KIAA0319: variants seen among roughly 807,000 people sequenced by gnomAD.
KIAA0319 encodes KIAA0319.
KIAA0319 carries 83 observed loss-of-function variants against 108.4 expected under a neutral mutation model. The ratio of observed to expected loss-of-function variants is 0.77; its 90% confidence interval spans 0.64 to 0.92. The LOEUF is 0.92. KIAA0319 is among the 40% of genes least tolerant of loss of function. KIAA0319 has a pLI of 0.00. For missense variants in KIAA0319, 1,195 were observed against 1,322.4 expected (o/e 0.90, Z 1.49); for synonymous variants, 484 against 510.4 (o/e 0.95, Z 0.70).
At chr6:24,575,833 C>T (rs181931547) in intron 10 of KIAA0319, among the ~76,000 whole-genome samples, 4 of 151,554 alleles carry the variant, frequency 2.6e-5, no homozygotes, top group African/African-American at 7.3e-5. Flanking sequence ...CTTTGCCAAT[C>T]ACAAAAAGAA....
chr6:24,546,783 T>G lies in KIAA0319; in HGVS notation c.*382A>C. The G allele has an allele frequency of 5.5e-6, 1 of 181,166 alleles. No homozygotes were observed. The highest frequency in any genetic ancestry group is 1.2e-5 in the Non-Finnish European group (1 of 84,600). The allele number at this position is 181,166 out of a possible 1,614,324, so 11.2% of individuals were successfully genotyped here. On this transcript the variant is annotated 3_prime_UTR_variant, in exon 21 of 21. Transcript: ENST00000378214. ...AAACCGTGTTTAGAATGCTGTTCCTTAGAGGCAATCACAGCAGCTAAGACA... is the reference window on the plus strand; with the variant it reads ...AAACCGTGTTTAGAATGCTGTTCCTGAGAGGCAATCACAGCAGCTAAGACA...
At chr6:24,551,920 G>A (rs1269147445) in intron 19 of KIAA0319, among the ~76,000 whole-genome samples, 1 of 152,002 alleles carries the variant, frequency 6.6e-6, no homozygotes, top group Non-Finnish European at 1.5e-5. Flanking sequence ...CTGCAGTAAT[G>A]AAAAGGTGTC....
intron 1 of KIAA0319, among the ~76,000 whole-genome samples, chr6:24,611,368 G>A (rs1168210122): frequency 1.3e-5 from 2 of 151,926 alleles, no homozygotes; most frequent in Non-Finnish European, 2.9e-5. Flanking sequence ...GCATAGTGGC[G>A]GGCGCCTGTA....
chr6:24,568,648 C>T (rs1331387202), intron 13 of KIAA0319, 133 bp downstream of exon 13: 2 of 865,726 alleles, frequency 2.3e-6, no homozygotes, highest in East Asian at 2.6e-5. Flanking sequence ...TTTTTTTCAG[C>T]CAGGCAGGGT....
intron 4 of KIAA0319, among the ~76,000 whole-genome samples, chr6:24,584,895 G>T (rs1767214785): frequency 6.6e-6 from 1 of 152,132 alleles, no homozygotes; most frequent in Non-Finnish European, 1.5e-5. Context: ...AAAACCCAAA[G>T]ATCCTGGGCC....
chr6:24,600,748 G>T, intron 2 of KIAA0319: 1 of 1,231,260 alleles, frequency 8.1e-7, no homozygotes, highest in Non-Finnish European at 1.1e-6. Context: ...ATAAAAGGAA[G>T]TCTGGCCTTT....
intron 14 of KIAA0319, among the ~76,000 whole-genome samples, chr6:24,564,769 C>T (rs906944293): frequency 1.3e-5 from 2 of 152,190 alleles, no homozygotes; most frequent in African/African-American, 4.8e-5. Context: ...ACCCAAGACC[C>T]TGTGTAGCGT....
At chr6:24,590,111 G>T (rs1048601811) in intron 3 of KIAA0319, among the ~76,000 whole-genome samples, 1 of 152,112 alleles carries the variant, frequency 6.6e-6, no homozygotes, top group African/African-American at 2.4e-5. Context: ...GGGGGCCATT[G>T]GTGCTAATTG....
chr6:24,543,750 T>G (rs987987961), downstream of KIAA0319, among the ~76,000 whole-genome samples: 90 of 152,288 alleles, frequency 5.9e-4, 1 homozygote, highest in Admixed American at 5.5e-3. Flanking sequence ...AAAAATGGCT[T>G]TATTACTGAT....
chr6:24,564,700 T>C (rs894676134), intron 14 of KIAA0319, among the ~76,000 whole-genome samples: 6 of 152,210 alleles, frequency 3.9e-5, no homozygotes, highest in Admixed American at 6.5e-5. Flanking sequence ...TTTTCAAACA[T>C]AGCTTTACAA....
chr6:24,570,327 C>T lies in KIAA0319; in HGVS notation c.1859-292G>A, dbSNP rs2817196. On this transcript the variant is annotated intron_variant, in intron 11 of 20. Coordinates refer to ENST00000378214, the MANE Select transcript of KIAA0319 (RefSeq NM_014809.4). ...TCAGTCGGCCGGGCACAGTGGCTCACGCCTGTAATCCAGCACTTTGGGAGA... is the reference window on the plus strand; with the variant it reads ...TCAGTCGGCCGGGCACAGTGGCTCATGCCTGTAATCCAGCACTTTGGGAGA... Among the ~76,000 whole-genome samples the T allele has an allele frequency of 8.1e-3, 1,235 of 152,272 alleles. 15 individuals carry two copies. Among genetic ancestry groups the T allele is most frequent in the African/African-American group, 0.028 (1,160 of 41,550 alleles).
At chr6:24,554,738 A>T (rs925573224) in intron 18 of KIAA0319, 107 bp from the exon 19 acceptor site, 4 of 775,890 alleles carry the variant, frequency 5.2e-6, no homozygotes, top group Non-Finnish European at 6.6e-6. Flanking sequence ...AGGAAAGGCC[A>T]CCTGTGGAGT....
rs756813720 is a variant in KIAA0319, at chr6:24,576,438, T to C, written c.1664A>G (p.Asp555Gly). 1.2e-6 allele frequency: 2 copies of C among 1,614,168 alleles called. No homozygotes were observed. Among genetic ancestry groups the C allele is most frequent in the Non-Finnish European group, 1.7e-6 (2 of 1,180,028 alleles). Residue 555 changes from aspartate (D) to glycine (G), a missense_variant, in exon 10 of 21, where the codon GAC becomes GGC. Transcript: ENST00000378214. ...CTCATAGAGGACAATCTGGTGATCG[T>C]CACTGCTCTGGTTTCCATTCAAAGT... The part of the protein sequence containing the change: ...SITLNGNQSS[D>G]DHQIVLYEWS...
intron 14 of KIAA0319, among the ~76,000 whole-genome samples, chr6:24,564,657 G>T (rs977435568): frequency 1.5e-4 from 23 of 152,152 alleles, no homozygotes; most frequent in African/African-American, 5.3e-4. Flanking sequence ...GGGCAAGGAC[G>T]CTGAGAACAA....
intron 2 of KIAA0319, among the ~76,000 whole-genome samples, chr6:24,600,203 C>T (rs1055476559): frequency 6.6e-6 from 1 of 152,088 alleles, no homozygotes; most frequent in African/African-American, 2.4e-5. Flanking sequence ...ACATTAATGA[C>T]ATCATCTAAA....
intron 4 of KIAA0319, among the ~76,000 whole-genome samples, chr6:24,586,169 G>A (rs1252066390): frequency 6.6e-6 from 1 of 152,216 alleles, no homozygotes; most frequent in African/African-American, 2.4e-5. Context: ...TGTCACTGGT[G>A]AGTCCTTAAC....
chr6:24,596,462 C>G lies in KIAA0319; in HGVS notation c.212G>C (p.Trp71Ser). ...CAGGTAGCAGCGGCCCTCGAACCACCAGGCCAGGTCACAGCTGGACAGGTC... is the reference window on the plus strand; with the variant it reads ...CAGGTAGCAGCGGCCCTCGAACCACGAGGCCAGGTCACAGCTGGACAGGTC... ...CCDLSSCDLA[W>S]WFEGRCYLVS... Residue 71 changes from tryptophan (W) to serine (S), a missense_variant, in exon 3 of 21, where the codon TGG becomes TCG. Physicochemically the swap from Trp to Ser is radical, Grantham distance 177. Transcript: ENST00000378214. The G allele has an allele frequency of 6.2e-7, 1 of 1,614,194 alleles. No individual in the cohort carries two copies. Among genetic ancestry groups the G allele is most frequent in the East Asian group, 2.2e-5 (1 of 44,870 alleles).
intron 3 of KIAA0319, among the ~76,000 whole-genome samples, chr6:24,591,560 G>A (rs1035044227): frequency 7.2e-5 from 11 of 152,154 alleles, no homozygotes; most frequent in South Asian, 2.1e-4. Flanking sequence ...ATGCTGCACC[G>A]TGGCATTTTG....
At chr6:24,593,528 G>A (rs527899540) in intron 3 of KIAA0319, among the ~76,000 whole-genome samples, 1 of 151,576 alleles carries the variant, frequency 6.6e-6, no homozygotes, top group South Asian at 2.1e-4. Context: ...GAGTAGCTGG[G>A]AAGCTGGGAC....
Sources: gnomAD v4.1 joint callset for allele counts (sites outside exome capture counted in the v4.1 genomes callset) on GRCh38, gnomAD v4.1.1 for gene constraint, MANE v1.5 for transcripts, NCBI Gene and HGNC (gene_info 2026-07-23, HGNC 2026-07-21) for gene names.